AGBL4: variants seen among roughly 807,000 people sequenced by gnomAD.
The protein encoded by AGBL4 is AGBL carboxypeptidase 4.
In AGBL4, 58 loss-of-function variants were observed where a neutral mutation model predicts 66.4. The observed-to-expected ratio is 0.87, with a 90% CI of 0.71 to 1.09. The LOEUF is 1.09. Ranked by LOEUF, AGBL4 falls within the 50% of genes least tolerant of loss-of-function variation. The pLI is 0.00. For synonymous variants in AGBL4, 234 were observed against 222.9 expected (o/e 1.05, Z -0.44); for missense variants, 579 against 631.0 (o/e 0.92, Z 0.88).
At chr1:49,178,961 A>G (rs531242391) in intron 4 of AGBL4, among the ~76,000 whole-genome samples, 1 of 152,346 alleles carries the variant, frequency 6.6e-6, no homozygotes, top group South Asian at 2.1e-4. Context: ...GCATAGTTCC[A>G]TCAAGATGAA....
chr1:49,563,234 T>A (rs1324157744), intron 3 of AGBL4, among the ~76,000 whole-genome samples: 50 of 151,166 alleles, frequency 3.3e-4, no homozygotes, highest in Non-Finnish European at 6.6e-4. Flanking sequence ...TTTCTAGATA[T>A]ACAATCATGT....
At chr1:49,499,448 G>A (rs748416297) in intron 3 of AGBL4, among the ~76,000 whole-genome samples, 2 of 151,810 alleles carry the variant, frequency 1.3e-5, no homozygotes, top group East Asian at 3.9e-4. Flanking sequence ...TTTCTAAAAT[G>A]TTGGTGCACC....
intron 5 of AGBL4, among the ~76,000 whole-genome samples, chr1:48,924,109 C>T (rs1051295891): frequency 6.6e-6 from 1 of 152,016 alleles, no homozygotes; most frequent in Non-Finnish European, 1.5e-5. Flanking sequence ...AAAACTATAG[C>T]TTTACAAGCA....
chr1:49,422,472 A>T (rs1645566857), intron 3 of AGBL4, among the ~76,000 whole-genome samples: 1 of 152,356 alleles, frequency 6.6e-6, no homozygotes, highest in African/African-American at 2.4e-5. Flanking sequence ...GTTTCAAAAA[A>T]TACTTCTTTG....
At chr1:49,103,845 T>C (rs754775184) in intron 4 of AGBL4, among the ~76,000 whole-genome samples, 26 of 152,132 alleles carry the variant, frequency 1.7e-4, no homozygotes, top group Admixed American at 3.9e-4. Flanking sequence ...CCCCAAAATC[T>C]CTTTCATCTA....
intron 4 of AGBL4, among the ~76,000 whole-genome samples, chr1:49,203,625 AGTT>A (rs1324564009): frequency 1.3e-5 from 2 of 152,118 alleles, no homozygotes; most frequent in African/African-American, 2.4e-5. Context: ...GGAAATGGGA[AGTT>A]GTTGTTTAAT....
intron 3 of AGBL4, among the ~76,000 whole-genome samples, chr1:49,646,211 T>C (rs747062947): frequency 9.2e-5 from 14 of 151,716 alleles, no homozygotes; most frequent in African/African-American, 3.4e-4. Flanking sequence ...GGCATGGAGA[T>C]TGAAAGAAAA....
chr1:49,468,575 T>A (rs1271356514), intron 3 of AGBL4, among the ~76,000 whole-genome samples: 3 of 151,884 alleles, frequency 2.0e-5, no homozygotes, highest in Non-Finnish European at 4.4e-5. Flanking sequence ...TTGCCCATAA[T>A]CTATTCCTGT....
intron 3 of AGBL4, among the ~76,000 whole-genome samples, chr1:49,287,054 C>T (rs1202346310): frequency 6.4e-4 from 95 of 149,414 alleles, no homozygotes; most frequent in Admixed American, 4.7e-4. Flanking sequence ...TCAGAAATAA[C>T]GCCGCATATC....
chr1:48,704,242 C>T (rs566830930), intron 6 of AGBL4, among the ~76,000 whole-genome samples: 7 of 152,278 alleles, frequency 4.6e-5, no homozygotes, highest in East Asian at 1.9e-4. Flanking sequence ...CTCTATAGGG[C>T]ACTTACAGTA....
At chr1:48,894,441 G>A (rs1651301043) in intron 5 of AGBL4, among the ~76,000 whole-genome samples, 1 of 152,116 alleles carries the variant, frequency 6.6e-6, no homozygotes, top group Non-Finnish European at 1.5e-5. Flanking sequence ...CATACCTTCT[G>A]TATAAAGTCA....
At chr1:50,000,068 T>C (rs765059816) in intron 1 of AGBL4, among the ~76,000 whole-genome samples, 37 of 151,702 alleles carry the variant, frequency 2.4e-4, no homozygotes, top group Non-Finnish European at 4.7e-4. Flanking sequence ...AAGATAAAAA[T>C]AGAAGGACTT....
intron 5 of AGBL4, among the ~76,000 whole-genome samples, chr1:48,919,422 T>G (rs1313246858): frequency 6.6e-6 from 1 of 152,174 alleles, no homozygotes; most frequent in Non-Finnish European, 1.5e-5. Flanking sequence ...ATATACACAT[T>G]GCCTGATTTA....
chr1:48,801,216 G>A (rs1028434748), intron 6 of AGBL4, among the ~76,000 whole-genome samples: 3 of 152,126 alleles, frequency 2.0e-5, no homozygotes, highest in Non-Finnish European at 2.9e-5. Flanking sequence ...CACGTGCAGG[G>A]CTTGAACCTT....
chr1:48,709,470 A>G (rs1646929937), intron 6 of AGBL4, among the ~76,000 whole-genome samples: 1 of 152,138 alleles, frequency 6.6e-6, no homozygotes, highest in Non-Finnish European at 1.5e-5. Context: ...AGAGGCAGTG[A>G]TATTTCTTTA....
rs111391043 is a variant in AGBL4, at chr1:48,608,543, G to GTGGATGGATGGA, written c.952-17570_952-17559dup. The stretch of plus-strand genomic sequence containing the variant: ...CAAGAACAGCTAATGAGTCAGAGAA[G>GTGGATGGATGGA]TGGATGGATGGATGGATGGATGGAT... On this transcript the variant is annotated intron_variant, in intron 9 of 13. Coordinates refer to ENST00000371839, the MANE Select transcript of AGBL4 (RefSeq NM_032785.4). Among the ~76,000 whole-genome samples the GTGGATGGATGGA allele has an allele frequency of 2.0e-3, 300 of 151,262 alleles. 1 individual carries two copies. The South Asian group carries it at 0.021, about 11-fold the overall frequency.
rs964982817 is a variant in AGBL4, at chr1:49,662,889, G to A, written c.282+34424C>T. On this transcript the variant is annotated intron_variant, in intron 3 of 13. Transcript: ENST00000371839. ...TCAAAATGAAATCAAGAAAAGAACCGTGCACATCAGCTTCTCAACTGCAAA... is the reference window on the plus strand; with the variant it reads ...TCAAAATGAAATCAAGAAAAGAACCATGCACATCAGCTTCTCAACTGCAAA... Among the ~76,000 whole-genome samples, 7 of 152,158 alleles carry A rather than the reference G, an allele frequency of 4.6e-5. No homozygotes were observed. In the South Asian group the frequency reaches 6.2e-4, roughly 14 times the overall value.
chr1:49,711,745 T>A (rs984306470), intron 2 of AGBL4, among the ~76,000 whole-genome samples: 4 of 152,020 alleles, frequency 2.6e-5, no homozygotes, highest in African/African-American at 4.8e-5. Flanking sequence ...TTAATAATTT[T>A]AAAAAATACT....
rs534408887 is a variant in AGBL4 at position 48,776,088 on chromosome 1, T to C, written c.634+91103A>G. ...GGACAAGGATGTCATAGCTTCCCTCTGTGAGGAGGGACTCCCACCTAGAAG... is the reference window on the plus strand; with the variant it reads ...GGACAAGGATGTCATAGCTTCCCTCCGTGAGGAGGGACTCCCACCTAGAAG... On this transcript the variant is annotated intron_variant, in intron 6 of 13. Transcript: ENST00000371839. 2.6e-5 allele frequency among the ~76,000 whole-genome samples: 4 copies of C among 152,286 alleles called. No homozygotes were observed. In the South Asian group the frequency reaches 8.3e-4, roughly 32 times the overall value.
Sources: allele counts gnomAD v4.1 joint callset (sites outside exome capture counted in the v4.1 genomes callset), GRCh38; gene constraint gnomAD v4.1.1; transcripts MANE v1.5; gene names NCBI Gene and HGNC (gene_info 2026-07-23, HGNC 2026-07-21).